The following DYNC1I1 variants were observed in gnomAD, a reference collection of about 807,000 sequenced individuals.
DYNC1I1 encodes dynein cytoplasmic 1 intermediate chain 1.
A neutral mutation model predicts 86.6 loss-of-function variants in DYNC1I1; 43 were observed. The ratio of observed to expected loss-of-function variants is 0.50; its 90% confidence interval spans 0.39 to 0.64. DYNC1I1 has a LOEUF of 0.64. Among genes scored for constraint, DYNC1I1 ranks in the 30% least tolerant of loss-of-function variants. The pLI is 0.00. For synonymous variants in DYNC1I1, 262 were observed against 283.7 expected, an observed-to-expected ratio of 0.92 and a Z score of 0.77; for missense variants, 604 against 788.8, an observed-to-expected ratio of 0.77 and a Z score of 2.81.
chr7:96,004,895 A>C lies in DYNC1I1; in HGVS notation c.969+8822A>C, dbSNP rs56931576. ...TTAGAATTCATAGTTAATTCAGTAG[A>C]TAAAATAATGCAAATTTGAAACCCT... is the stretch of plus-strand genomic sequence containing the variant. On this transcript the variant is annotated intron_variant, in intron 10 of 16. Transcript: ENST00000447467. Among the ~76,000 whole-genome samples, 764 of 152,342 alleles carry C rather than the reference A, an allele frequency of 5.0e-3. 7 individuals are homozygous for C. The highest frequency in any genetic ancestry group is 0.017 in the African/African-American group (725 of 41,576).
At chr7:96,032,451 G>A (rs376914476) in intron 11 of DYNC1I1, among the ~76,000 whole-genome samples, 4 of 152,152 alleles carry the variant, frequency 2.6e-5, no homozygotes, top group Admixed American at 2.0e-4. Flanking sequence ...ACTGAGCAAG[G>A]TGAAGCTTTA....
chr7:96,091,142 C>T (rs991691985), intron 16 of DYNC1I1, among the ~76,000 whole-genome samples: 3 of 152,078 alleles, frequency 2.0e-5, no homozygotes, highest in Non-Finnish European at 4.4e-5. Flanking sequence ...ATTTGGGTGC[C>T]ATTAATAATT....
intron 5 of DYNC1I1, among the ~76,000 whole-genome samples, chr7:95,836,829 C>A (rs1169669682): frequency 2.0e-5 from 3 of 152,068 alleles, no homozygotes; most frequent in African/African-American, 7.2e-5. Context: ...CAGCTCCTTT[C>A]AGCACTTCTC....
chr7:96,021,139 G>C (rs182272465), intron 10 of DYNC1I1, among the ~76,000 whole-genome samples: 1 of 152,132 alleles, frequency 6.6e-6, no homozygotes, highest in Admixed American at 6.5e-5. Context: ...TCACTGAACC[G>C]TACACTTGAA....
intron 6 of DYNC1I1, among the ~76,000 whole-genome samples, chr7:95,946,597 G>T (rs12535498): frequency 0.061 from 9,242 of 152,200 alleles, 682 homozygotes; most frequent in East Asian, 0.34. Flanking sequence ...CTCATTCATT[G>T]AGTATGAGGG....
At chr7:95,986,665 G>A (rs534372228) in intron 8 of DYNC1I1, among the ~76,000 whole-genome samples, 3 of 152,030 alleles carry the variant, frequency 2.0e-5, no homozygotes, top group Non-Finnish European at 2.9e-5. Context: ...AGGTAGTATC[G>A]ATATCAAAGA....
At chr7:95,976,617 T>TA (rs1411172862) in intron 6 of DYNC1I1, among the ~76,000 whole-genome samples, 5 of 152,204 alleles carry the variant, frequency 3.3e-5, no homozygotes, top group Admixed American at 2.6e-4. Context: ...TTTTCAACTC[T>TA]CTTTGAACCA....
intron 4 of DYNC1I1, among the ~76,000 whole-genome samples, chr7:95,820,778 A>G (rs1291544508): frequency 1.3e-5 from 2 of 152,192 alleles, no homozygotes; most frequent in Non-Finnish European, 2.9e-5. Flanking sequence ...GGGTCTCGCT[A>G]TGTTACCCAG....
chr7:96,026,571 C>G (rs1794688672), intron 10 of DYNC1I1, among the ~76,000 whole-genome samples: 1 of 152,142 alleles, frequency 6.6e-6, no homozygotes, highest in African/African-American at 2.4e-5. Context: ...TTTCTGCTGT[C>G]TAGCCCAGGC....
chr7:96,106,261 G>T lies in DYNC1I1; in HGVS notation c.1543-3718G>T, dbSNP rs538830124. Among the ~76,000 whole-genome samples, 4 of 152,042 alleles carry T rather than the reference G, an allele frequency of 2.6e-5. No individual in the cohort carries two copies. The South Asian group carries it at 8.3e-4, about 32-fold the overall frequency. On this transcript the variant is annotated intron_variant, in intron 16 of 16. Coordinates refer to the DYNC1I1 transcript ENST00000537881. The stretch of plus-strand genomic sequence containing the variant: ...TAAAAATCCCTCTTAGGGTGGGCAC[G>T]GTGGCTCACACCTGTAATCCCAGCA...
chr7:96,005,326 T>G (rs1794114725), intron 10 of DYNC1I1, among the ~76,000 whole-genome samples: 1 of 152,160 alleles, frequency 6.6e-6, no homozygotes, highest in Non-Finnish European at 1.5e-5. Context: ...TACACACAAA[T>G]TTTTCCTTTG....
chr7:95,915,964 T>C (rs1791458517), intron 6 of DYNC1I1, among the ~76,000 whole-genome samples: 2 of 152,198 alleles, frequency 1.3e-5, no homozygotes, highest in African/African-American at 4.8e-5. Flanking sequence ...CTCCCCAACC[T>C]GAAAAGAGAT....
chr7:95,908,147 C>T (rs576642315), intron 6 of DYNC1I1, among the ~76,000 whole-genome samples: 4 of 152,160 alleles, frequency 2.6e-5, no homozygotes, highest in Non-Finnish European at 2.9e-5. Flanking sequence ...TAAACAACCA[C>T]GGGAGGAGAT....
intron 7 of DYNC1I1, 120 bp from the exon 8 acceptor site, chr7:95,984,695 T>C: frequency 1.1e-6 from 1 of 916,002 alleles, no homozygotes. Flanking sequence ...TTTGTTTCAC[T>C]GTGTCTTGCC....
chr7:95,829,778 A>G lies in DYNC1I1; in HGVS notation c.374+1662A>G, dbSNP rs138005652. Reference sequence around the variant, plus strand: ...CCTGCTGCATTATACTTGAGAGTGAACCCAGTGTGTTGGAGAGAGAAGATG... The same window carrying G: ...CCTGCTGCATTATACTTGAGAGTGAGCCCAGTGTGTTGGAGAGAGAAGATG... On this transcript the variant is annotated intron_variant, in intron 5 of 16. Coordinates refer to ENST00000447467, the MANE Select transcript of DYNC1I1 (RefSeq NM_001135556.2). Among the ~76,000 whole-genome samples, 30 of 142,976 alleles carry G rather than the reference A, an allele frequency of 2.1e-4. No individual in the cohort carries two copies. In the East Asian group the frequency reaches 5.2e-3, roughly 25 times the overall value. The allele number at this position is 142,976 out of a possible 152,430, so 93.8% of individuals were successfully genotyped here. A position where few individuals can be genotyped will look rare whatever the true frequency, so the allele number is the denominator to read the frequency against.
At chr7:95,801,474 C>T (rs1326654603) in intron 1 of DYNC1I1, among the ~76,000 whole-genome samples, 1 of 152,064 alleles carries the variant, frequency 6.6e-6, no homozygotes, top group Non-Finnish European at 1.5e-5. Context: ...TCCTTAATAA[C>T]CATAAATATT....
intron 5 of DYNC1I1, among the ~76,000 whole-genome samples, chr7:95,839,541 T>C (rs1045319731): frequency 6.6e-6 from 1 of 152,214 alleles, no homozygotes; most frequent in Non-Finnish European, 1.5e-5. Flanking sequence ...AATTTAGTTA[T>C]AGTCATTTTT....
chr7:95,780,423 A>G (rs1404879795), intron 1 of DYNC1I1, among the ~76,000 whole-genome samples: 1 of 137,920 alleles, frequency 7.3e-6, no homozygotes, highest in Non-Finnish European at 1.5e-5. Context: ...GCCCACCACC[A>G]CACCCGGCTA....
At chr7:95,845,500 G>A (rs923869958) in intron 5 of DYNC1I1, among the ~76,000 whole-genome samples, 1 of 152,168 alleles carries the variant, frequency 6.6e-6, no homozygotes, top group African/African-American at 2.4e-5. Context: ...TATGCATTAA[G>A]TTTAGATATC....
Sources: gnomAD v4.1 joint callset for allele counts (sites outside exome capture counted in the v4.1 genomes callset) on GRCh38, gnomAD v4.1.1 for gene constraint, MANE v1.5 for transcripts, NCBI Gene and HGNC (gene_info 2026-07-23, HGNC 2026-07-21) for gene names.